FHOD3: variants seen among roughly 807,000 people sequenced by gnomAD.
FHOD3 encodes FH1/FH2 domain-containing protein 3.
A neutral mutation model predicts 173.0 loss-of-function variants in FHOD3; 90 were observed. That is an observed-to-expected ratio of 0.52 (90% CI 0.44 to 0.62). FHOD3 has a LOEUF of 0.62. Among genes scored for constraint, FHOD3 ranks in the 20% least tolerant of loss-of-function variants. The pLI is 0.00. For synonymous variants in FHOD3, 828 were observed against 823.0 expected, an observed-to-expected ratio of 1.01 and a Z score of -0.10; for missense variants, 1,945 against 2,034.7, an observed-to-expected ratio of 0.96 and a Z score of 0.85.
In FHOD3 at chr18:36,612,085, A is replaced by G. The variant is rs533100172; in HGVS notation, c.947A>G (p.Asn316Ser). 9 of 1,613,868 alleles carry G rather than the reference A, an allele frequency of 5.6e-6. No homozygotes were observed. In the African/African-American group the frequency reaches 1.1e-4, roughly 19 times the overall value. ...GACCTGGACTTAGTGGAGCAACTCAACATTTATGAGGTACCAGACCATGCC... is the reference window on the plus strand; with the variant it reads ...GACCTGGACTTAGTGGAGCAACTCAGCATTTATGAGGTACCAGACCATGCC... Reference protein sequence around the residue: ...GTDLDLVEQLNIYEVALRHED... With the variant: ...GTDLDLVEQLSIYEVALRHED... Residue 316 changes from asparagine (N) to serine (S), a missense_variant, in exon 9 of 29, where the codon AAC (asparagine) becomes AGC (serine). Asn to Ser is a conservative substitution (Grantham distance 46). Coordinates refer to ENST00000590592, the MANE Select transcript of FHOD3 (RefSeq NM_001281740.3).
At chr18:36,405,413 T>C (rs2049009185) in intron 3 of FHOD3, among the ~76,000 whole-genome samples, 2 of 152,374 alleles carry the variant, frequency 1.3e-5, no homozygotes, top group South Asian at 4.1e-4. Context: ...GATATTCTTC[T>C]TTCCTTTCCA....
At chr18:36,747,637 C>G (rs1008150697) in intron 24 of FHOD3, among the ~76,000 whole-genome samples, 2 of 152,238 alleles carry the variant, frequency 1.3e-5, no homozygotes, top group African/African-American at 4.8e-5. Context: ...TCTGGACCAG[C>G]CCTCCTCAGA....
At chr18:36,642,566 G>A (rs933867363) in intron 10 of FHOD3, among the ~76,000 whole-genome samples, 14 of 107,816 alleles carry the variant, frequency 1.3e-4, no homozygotes, top group Admixed American at 4.4e-4. Context: ...CTGGGCAAAA[G>A]AGCGAGACTC....
intron 9 of FHOD3, among the ~76,000 whole-genome samples, chr18:36,615,795 T>A (rs2033141940): frequency 6.6e-6 from 1 of 152,234 alleles, no homozygotes; most frequent in African/African-American, 2.4e-5. Flanking sequence ...CTTCACTGGA[T>A]AGAAATGGAG....
intron 11 of FHOD3, among the ~76,000 whole-genome samples, chr18:36,651,027 G>T (rs2036013326): frequency 6.6e-6 from 1 of 152,132 alleles, no homozygotes; most frequent in Non-Finnish European, 1.5e-5. Flanking sequence ...ACCTTCATCT[G>T]GATGTTATTT....
intron 9 of FHOD3, among the ~76,000 whole-genome samples, chr18:36,620,741 A>C (rs1421400620): frequency 3.3e-5 from 5 of 152,252 alleles, no homozygotes; most frequent in Non-Finnish European, 5.9e-5. Context: ...TGCCCTGTGT[A>C]ATAACTCAAG....
At chr18:36,638,732 G>A (rs1340616839) in intron 10 of FHOD3, among the ~76,000 whole-genome samples, 1 of 152,190 alleles carries the variant, frequency 6.6e-6, no homozygotes, top group African/African-American at 2.4e-5. Flanking sequence ...CCTTAAGGAT[G>A]CGAATCTCTA....
intron 3 of FHOD3, among the ~76,000 whole-genome samples, chr18:36,437,448 G>C (rs1229588327): frequency 6.6e-6 from 1 of 152,144 alleles, no homozygotes; most frequent in Non-Finnish European, 1.5e-5. Context: ...TTTTCTGCAA[G>C]TTATATATTT....
chr18:36,352,184 G>A (rs944558886), intron 1 of FHOD3, among the ~76,000 whole-genome samples: 20 of 151,986 alleles, frequency 1.3e-4, no homozygotes, highest in African/African-American at 4.8e-4. Flanking sequence ...GGCCGGGGTG[G>A]GAGGATTGCT....
intron 14 of FHOD3, among the ~76,000 whole-genome samples, chr18:36,663,874 A>G (rs1000441636): frequency 1.3e-5 from 2 of 152,156 alleles, no homozygotes; most frequent in African/African-American, 4.8e-5. Context: ...TGGACTGTCT[A>G]TTCCCTATGA....
chr18:36,744,284 G>T, intron 23 of FHOD3, 91 bp downstream of exon 23: 1 of 1,353,000 alleles, frequency 7.4e-7, no homozygotes, highest in South Asian at 1.4e-5. Context: ...GCCCTATTAA[G>T]TAAAATGCCC....
chr18:36,517,810 A>G (rs141036555), intron 5 of FHOD3, among the ~76,000 whole-genome samples: 2,090 of 152,278 alleles, frequency 0.014, 46 homozygotes, highest in African/African-American at 0.048. Context: ...GAGATTTGAT[A>G]TTTTTTTAAA....
intron 14 of FHOD3, among the ~76,000 whole-genome samples, chr18:36,668,500 T>G (rs2037328437): frequency 6.6e-6 from 1 of 152,024 alleles, no homozygotes; most frequent in Non-Finnish European, 1.5e-5. Flanking sequence ...TATACTGTTT[T>G]TCTGTTTGTT....
chr18:36,701,221 C>T (rs115785769), intron 17 of FHOD3, among the ~76,000 whole-genome samples: 1,539 of 152,238 alleles, frequency 0.01, 34 homozygotes, highest in African/African-American at 0.034. Flanking sequence ...ATTACATGAG[C>T]CATGGGTGGA....
chr18:36,483,168 C>G (rs933873688), intron 3 of FHOD3, among the ~76,000 whole-genome samples: 11 of 152,100 alleles, frequency 7.2e-5, no homozygotes, highest in African/African-American at 2.7e-4. Flanking sequence ...GGTTTGACCT[C>G]TGGTGTTTGA....
chr18:36,658,155 C>A lies in FHOD3; in HGVS notation c.1802C>A (p.Ser601Tyr), dbSNP rs1323967550. Residue 601 changes from serine to tyrosine, a missense_variant, in exon 14 of 29, where the codon TCC (serine) becomes TAC (tyrosine). Ser to Tyr is a moderately radical substitution (Grantham distance 144). Around this residue, in one of 5 missense-constraint regions of FHOD3, gnomAD observed 1,099 missense variants for 1,051.2 expected, o/e 1.05. Coordinates refer to ENST00000590592, the MANE Select transcript of FHOD3 (RefSeq NM_001281740.3). ...GSSVPTTPTS[S>Y]VSPPQEARLE... ...AGTGTGCCCACCACCCCCACATCATCCGTCTCACCCCCACAGGAGGCCAGG... is the reference window on the plus strand; with the variant it reads ...AGTGTGCCCACCACCCCCACATCATACGTCTCACCCCCACAGGAGGCCAGG... 3 of 1,590,200 alleles carry A rather than the reference C, an allele frequency of 1.9e-6. No individual in the cohort carries two copies. In the South Asian group the frequency reaches 3.4e-5, roughly 18 times the overall value.
intron 6 of FHOD3, among the ~76,000 whole-genome samples, chr18:36,587,255 G>T (rs2059066881): frequency 6.6e-6 from 1 of 152,128 alleles, no homozygotes; most frequent in Admixed American, 6.5e-5. Flanking sequence ...GGTGCTGGTG[G>T]AAGTGTCCTT....
At chr18:36,677,302 C>T (rs774876355) in intron 14 of FHOD3, among the ~76,000 whole-genome samples, 13 of 152,056 alleles carry the variant, frequency 8.5e-5, no homozygotes, top group South Asian at 4.2e-4. Context: ...TACAGGCATG[C>T]GCCACCATGC....
chr18:36,444,226 T>G (rs987779738), intron 3 of FHOD3, among the ~76,000 whole-genome samples: 1 of 152,042 alleles, frequency 6.6e-6, no homozygotes, highest in African/African-American at 2.4e-5. Flanking sequence ...TTGTAAATTT[T>G]TTTCAAATCT....
Sources: allele counts gnomAD v4.1 joint callset (sites outside exome capture counted in the v4.1 genomes callset), GRCh38; gene constraint gnomAD v4.1.1; regional missense constraint gnomAD v4.1.1; transcripts MANE v1.5; gene names NCBI Gene and HGNC (gene_info 2026-07-23, HGNC 2026-07-21).